TBC1D30: variants seen among roughly 807,000 people sequenced by gnomAD.
The protein encoded by TBC1D30 is TBC1 domain family, member 30.
Under a neutral mutation model 63.2 loss-of-function variants are expected in TBC1D30, and 31 were observed. The observed-to-expected ratio is 0.49, with a 90% CI of 0.37 to 0.66. TBC1D30 has a LOEUF of 0.66. Among genes scored for constraint, TBC1D30 ranks in the 30% least tolerant of loss-of-function variants. The pLI is 0.00. For missense variants in TBC1D30, 810 were observed against 953.6 expected (o/e 0.85, Z 1.98); for synonymous variants, 307 against 361.5 (o/e 0.85, Z 1.71).
chr12:64,848,354 C>T (rs1451228132), intron 8 of TBC1D30, among the ~76,000 whole-genome samples: 21 of 151,644 alleles, frequency 1.4e-4, no homozygotes, highest in Admixed American at 1.1e-3. Context: ...ATATATGTGC[C>T]GTGGTGGTTT....
upstream of TBC1D30, among the ~76,000 whole-genome samples, chr12:64,779,968 C>A (rs1871186689): frequency 1.3e-5 from 2 of 152,170 alleles, no homozygotes; most frequent in Non-Finnish European, 2.9e-5. Flanking sequence ...GTTCCGAGTT[C>A]TATTGAGGTC....
intron 2 of TBC1D30, among the ~76,000 whole-genome samples, chr12:64,802,502 CTTTTT>C (rs1872636112): frequency 6.6e-6 from 1 of 151,826 alleles, no homozygotes; most frequent in Admixed American, 6.6e-5. Context: ...TTCTTTCTTT[CTTTTT>C]ATTATTATAC....
intron 2 of TBC1D30, among the ~76,000 whole-genome samples, chr12:64,808,098 T>C (rs1197956208): frequency 3.3e-5 from 5 of 151,834 alleles, no homozygotes; most frequent in Non-Finnish European, 7.4e-5. Flanking sequence ...GCTGTTTGAC[T>C]CTCCACCTTC....
In TBC1D30 at chr12:64,866,811, A is replaced by T. The variant is rs561011940; in HGVS notation, c.1199A>T (p.Asp400Val). 5.2e-6 allele frequency: 8 copies of T among 1,536,622 alleles called. No individual in the cohort carries two copies. The highest frequency in any genetic ancestry group is 7.0e-6 in the Non-Finnish European group (8 of 1,147,012). The change falls in exon 10 of 12, where the codon GAT becomes GTT. Residue 400 changes from aspartate (D) to valine (V), a missense_variant. Physicochemically the swap from Asp to Val is radical, Grantham distance 152 (BLOSUM62 -3). This residue lies in a region of TBC1D30 where 450 missense variants were observed against 473.0 expected (regional missense o/e 0.95). Coordinates refer to ENST00000539867, the MANE Select transcript of TBC1D30 (RefSeq NM_015279.2). ...AGTGATGAAGAGAATGACCCAGACG[A>T]TGAGGATGCTGTCGTTAATGCAGTG... ...RDSDEENDPD[D>V]EDAVVNAVGC... is the part of the protein sequence containing the mutation.
chr12:64,823,365 A>AT (rs1223028905), upstream of TBC1D30, among the ~76,000 whole-genome samples: 1 of 152,070 alleles, frequency 6.6e-6, no homozygotes, highest in Non-Finnish European at 1.5e-5. Flanking sequence ...AGAGAGAATT[A>AT]TTTTTTTCTG....
In TBC1D30 at chr12:64,878,644, A is replaced by G. The variant is rs1381568182; in HGVS notation, c.*2856A>G. ...TTCTCATTGTTGTAACTGTTCTGCC[A>G]TTTTCTGAGTGCAAGCATGGAACAC... On this transcript the variant is annotated 3_prime_UTR_variant, in exon 12 of 12. Coordinates refer to ENST00000539867, the MANE Select transcript of TBC1D30 (RefSeq NM_015279.2). 2.3e-6 allele frequency: 1 copy of G among 430,110 alleles called. No individual in the cohort carries two copies. Among genetic ancestry groups the G allele is most frequent in the Non-Finnish European group, 4.7e-6 (1 of 212,154 alleles). The allele number at this position is 430,110 out of a possible 1,614,324, so 26.6% of individuals were successfully genotyped here.
At chr12:64,765,735 C>G (rs1870688061) in intron 1 of TBC1D30, among the ~76,000 whole-genome samples, 1 of 149,906 alleles carries the variant, frequency 6.7e-6, no homozygotes. Flanking sequence ...GTGGCACACA[C>G]TTGTAATCCC....
rs1250718032 is a variant in TBC1D30 at position 64,775,105 on chromosome 12, AT to A, written c.-375-10775del. On this transcript the variant is annotated intron_variant, in intron 1 of 13. Coordinates refer to the TBC1D30 transcript ENST00000674237. Reference sequence around the variant, plus strand: ...GAGACTGTGTCTCAAAAAAAAAAAAATATATATATATAGATATAGATATAGA... The same window carrying A: ...GAGACTGTGTCTCAAAAAAAAAAAAAATATATATATAGATATAGATATAGA... 9.5e-3 allele frequency among the ~76,000 whole-genome samples: 980 copies of A among 103,364 alleles called. 11 individuals are homozygous for A. Among genetic ancestry groups the A allele is most frequent in the African/African-American group, 0.033 (903 of 27,584 alleles). 67.8% of individuals were successfully genotyped at this position (103,364 alleles called of 152,430 possible). A position where few individuals can be genotyped will look rare whatever the true frequency, so the allele number is the denominator to read the frequency against.
At chr12:64,811,538 T>A (rs1873220137) in intron 2 of TBC1D30, among the ~76,000 whole-genome samples, 1 of 152,188 alleles carries the variant, frequency 6.6e-6, no homozygotes, top group Non-Finnish European at 1.5e-5. Flanking sequence ...CCCGGATGAG[T>A]TACAGGGTGG....
chr12:64,822,479 C>T (rs1033490971), upstream of TBC1D30, among the ~76,000 whole-genome samples: 3 of 151,962 alleles, frequency 2.0e-5, no homozygotes, highest in Non-Finnish European at 4.4e-5. Flanking sequence ...CAGCACCTGA[C>T]CCAGCAATTA....
At chr12:64,832,727 G>A (rs1413734188) in intron 5 of TBC1D30, among the ~76,000 whole-genome samples, 2 of 152,116 alleles carry the variant, frequency 1.3e-5, no homozygotes, top group Non-Finnish European at 2.9e-5. Context: ...CTCAATTGGG[G>A]GTGGGCATTG....
chr12:64,832,271 A>G lies in TBC1D30; in HGVS notation c.561A>G (p.Glu187=). ...GFNILAALIL[E]VMEGNEGDAL... Reference sequence around the variant, plus strand: ...ACATCCTGGCTGCACTAATTCTGGAAGTGATGGAAGGCAATGAAGGGGATG... The same window carrying G: ...ACATCCTGGCTGCACTAATTCTGGAGGTGATGGAAGGCAATGAAGGGGATG... The change falls in exon 5 of 12, where the codon GAA becomes GAG. Residue 187 remains glutamate, a synonymous_variant. Coordinates refer to ENST00000539867, the MANE Select transcript of TBC1D30 (RefSeq NM_015279.2). The G allele has an allele frequency of 6.5e-7, 1 of 1,536,112 alleles. No individual in the cohort carries two copies. Among genetic ancestry groups the G allele is most frequent in the Non-Finnish European group, 8.7e-7 (1 of 1,146,904 alleles).
chr12:64,783,234 C>A (rs1215998924), intron 1 of TBC1D30, among the ~76,000 whole-genome samples: 1 of 152,130 alleles, frequency 6.6e-6, no homozygotes, highest in Non-Finnish European at 1.5e-5. Flanking sequence ...GGGCTCTCTT[C>A]AGTATTTCCT....
chr12:64,847,057 TCTTGTTA>T (rs1876447433), intron 8 of TBC1D30, among the ~76,000 whole-genome samples: 1 of 152,124 alleles, frequency 6.6e-6, no homozygotes, highest in Admixed American at 6.5e-5. Context: ...ATGGCTTCAG[TCTTGTTA>T]CTTGTTATTG....
Position 64,824,822 on chromosome 12 carries a change from G to A in TBC1D30, c.-58G>A. 1 of 1,506,040 alleles carries A rather than the reference G, an allele frequency of 6.6e-7. No homozygotes were observed. Among genetic ancestry groups the A allele is most frequent in the Non-Finnish European group, 8.8e-7 (1 of 1,130,400 alleles). 93.3% of individuals were successfully genotyped at this position (1,506,040 alleles called of 1,614,324 possible). On this transcript the variant is annotated 5_prime_UTR_variant, in exon 1 of 12. In the 5' UTR this introduces an upstream ATG that the reference lacks. Coordinates refer to ENST00000539867, the MANE Select transcript of TBC1D30 (RefSeq NM_015279.2). ...CTCCGCGAGCTCAGCCGCTCAGCGAGTGGGGTAGCGGGGACCGAGACGGAC... is the reference window on the plus strand; with the variant it reads ...CTCCGCGAGCTCAGCCGCTCAGCGAATGGGGTAGCGGGGACCGAGACGGAC...
chr12:64,843,159 C>T (rs1336783469), intron 7 of TBC1D30, among the ~76,000 whole-genome samples: 2 of 152,152 alleles, frequency 1.3e-5, no homozygotes, highest in Non-Finnish European at 2.9e-5. Flanking sequence ...AGGTGTGCGC[C>T]ACGATACCCA....
chr12:64,862,217 G>A (rs1192863650), intron 8 of TBC1D30, among the ~76,000 whole-genome samples: 3 of 152,172 alleles, frequency 2.0e-5, no homozygotes, highest in Admixed American at 2.0e-4. Context: ...GAGGCCTAAA[G>A]ATTTCCGACA....
chr12:64,808,782 C>G (rs773660368), intron 2 of TBC1D30, among the ~76,000 whole-genome samples: 2 of 151,332 alleles, frequency 1.3e-5, no homozygotes, highest in Non-Finnish European at 2.9e-5. Flanking sequence ...CAGTATTTGT[C>G]CTCTTGTGAT....
chr12:64,768,226 A>G (rs114438848), intron 1 of TBC1D30: 5 of 152,332 alleles, frequency 3.3e-5, no homozygotes, highest in African/African-American at 1.2e-4. Context: ...AATAGGGGTT[A>G]TAATAATACA....
Sources: allele counts gnomAD v4.1 joint callset (sites outside exome capture counted in the v4.1 genomes callset), GRCh38; gene constraint gnomAD v4.1.1; regional missense constraint gnomAD v4.1.1; transcripts MANE v1.5; gene names NCBI Gene and HGNC (gene_info 2026-07-23, HGNC 2026-07-21).